USP25: variants seen among roughly 807,000 people sequenced by gnomAD.
The protein encoded by USP25 is ubiquitin carboxyl-terminal hydrolase 25.
USP25 carries 85 observed loss-of-function variants against 158.5 expected under a neutral mutation model. That is an observed-to-expected ratio of 0.54 (90% CI 0.45 to 0.64). The LOEUF (loss-of-function observed/expected upper bound fraction) is 0.64, where lower values mean the gene tolerates loss of function less well. Among genes scored for constraint, USP25 ranks in the 30% least tolerant of loss-of-function variants. The probability of loss-of-function intolerance (pLI) is 0.00; values close to 1 mark genes in which losing one functional copy is unlikely to be tolerated. For missense variants in USP25, 1,242 were observed against 1,327.3 expected, an observed-to-expected ratio of 0.94 and a Z score of 1.00; for synonymous variants, 464 against 460.4, an observed-to-expected ratio of 1.01 and a Z score of -0.10.
intron 17 of USP25, among the ~76,000 whole-genome samples, chr21:15,841,039 T>C (rs1462812778): frequency 1.3e-5 from 2 of 152,206 alleles, no homozygotes; most frequent in Non-Finnish European, 2.9e-5. Flanking sequence ...GCTATTGCAG[T>C]CCAAAATCAG....
In USP25 at chr21:15,872,034, T is replaced by G. The variant is rs574261061; in HGVS notation, c.2885+1887T>G. Among the ~76,000 whole-genome samples the G allele has an allele frequency of 2.7e-5, 4 of 146,592 alleles. No individual in the cohort carries two copies. In the South Asian group the frequency reaches 8.4e-4, roughly 31 times the overall value. On this transcript the variant is annotated intron_variant, in intron 23 of 25. Coordinates refer to ENST00000400183, the MANE Select transcript of USP25 (RefSeq NM_001283041.3). Reference sequence around the variant, plus strand: ...ATACTGTTTTTTTTTTTTTTTTTTTTTTTTTTACTTTAAATCTTTAAATAT... The same window carrying G: ...ATACTGTTTTTTTTTTTTTTTTTTTGTTTTTTACTTTAAATCTTTAAATAT...
chr21:15,742,544 T>G (rs551182947), intron 1 of USP25, among the ~76,000 whole-genome samples: 358 of 152,320 alleles, frequency 2.4e-3, no homozygotes, highest in African/African-American at 8.2e-3. Context: ...GTGTGAGGCC[T>G]CTGGGCTGGG....
At chr21:15,846,155 TA>T (rs1477445062) in intron 18 of USP25, among the ~76,000 whole-genome samples, 8,165 of 34,388 alleles carry the variant, frequency 0.24, 1,042 homozygotes, top group East Asian at 0.25. Flanking sequence ...TATATATATA[TA>T]TATTTTTTTT....
chr21:15,795,085 A>G lies in USP25; in HGVS notation c.555+3421A>G, dbSNP rs939020130. Among the ~76,000 whole-genome samples, 3 of 151,562 alleles carry G rather than the reference A, an allele frequency of 2.0e-5. No homozygotes were observed. The South Asian group carries it at 6.2e-4, about 31-fold the overall frequency. On this transcript the variant is annotated intron_variant, in intron 5 of 25. Coordinates refer to ENST00000400183, the MANE Select transcript of USP25 (RefSeq NM_001283041.3). Reference sequence around the variant, plus strand: ...CTGCTTCCTAGTCCTGCCCCTTGAAAGAGACCTGTATCTAATCCATTTCTT... The same window carrying G: ...CTGCTTCCTAGTCCTGCCCCTTGAAGGAGACCTGTATCTAATCCATTTCTT...
intron 1 of USP25, among the ~76,000 whole-genome samples, chr21:15,757,049 A>G (rs1216255219): frequency 6.6e-6 from 1 of 152,182 alleles, no homozygotes; most frequent in Non-Finnish European, 1.5e-5. Flanking sequence ...AGTTTCATAA[A>G]TGGGAAGGTA....
intron 20 of USP25, among the ~76,000 whole-genome samples, chr21:15,857,880 C>T (rs902941401): frequency 5.3e-5 from 8 of 151,950 alleles, no homozygotes; most frequent in African/African-American, 1.7e-4. Context: ...GTAAAATATC[C>T]AGATAGTCTA....
intron 8 of USP25, among the ~76,000 whole-genome samples, chr21:15,809,572 A>G (rs987981102): frequency 6.6e-6 from 1 of 152,210 alleles, no homozygotes; most frequent in African/African-American, 2.4e-5. Context: ...TGGTACAGCC[A>G]CTGTGGAAAA....
intron 3 of USP25, among the ~76,000 whole-genome samples, chr21:15,776,922 T>C (rs2034688622): frequency 6.6e-6 from 1 of 152,112 alleles, no homozygotes; most frequent in South Asian, 2.1e-4. Flanking sequence ...ATCCCAACCA[T>C]GCAAAGATAA....
At chr21:15,733,239 G>A (rs990065702) in intron 1 of USP25, among the ~76,000 whole-genome samples, 1 of 141,252 alleles carries the variant, frequency 7.1e-6, no homozygotes, top group Non-Finnish European at 1.5e-5. Context: ...TTAATTTACA[G>A]AGTGAAATGA....
intron 1 of USP25, among the ~76,000 whole-genome samples, chr21:15,750,225 T>G (rs1339988917): frequency 1.4e-5 from 2 of 145,556 alleles, no homozygotes; most frequent in Non-Finnish European, 3.0e-5. Context: ...TTTTTTTTTT[T>G]TTTTTTTTTT....
intron 6 of USP25, among the ~76,000 whole-genome samples, chr21:15,804,857 T>A (rs1047040404): frequency 6.6e-6 from 1 of 152,118 alleles, no homozygotes; most frequent in South Asian, 2.1e-4. Flanking sequence ...GGCTGAGTAA[T>A]GACATGATTT....
Position 15,827,105 on chromosome 21 carries a change from C to T in USP25, c.1595C>T (p.Pro532Leu), listed in dbSNP as rs761607553. 1 of 1,614,124 alleles carries T rather than the reference C, an allele frequency of 6.2e-7. No homozygotes were observed. Among genetic ancestry groups the T allele is most frequent in the Non-Finnish European group, 8.5e-7 (1 of 1,180,014 alleles). The change falls in exon 14 of 26, where the codon CCC becomes CTC. Residue 532 changes from proline (P) to leucine (L), a missense_variant. Around this residue, in one of 3 missense-constraint regions of USP25, gnomAD observed 627 missense variants for 701.4 expected, o/e 0.89. Transcript: ENST00000400183. ...FTQSRIPPDLPMHPAPRHITE... is the reference protein window; with the variant it reads ...FTQSRIPPDLLMHPAPRHITE... ...CAGTCCCGGATACCTCCAGATTTGC[C>T]CATGCATCCGGCACCAAGGCACATA...
intron 14 of USP25, among the ~76,000 whole-genome samples, chr21:15,830,251 CTCCTT>C (rs2037731136): frequency 6.6e-6 from 1 of 152,196 alleles, no homozygotes; most frequent in South Asian, 2.1e-4. Context: ...CATTGAAACT[CTCCTT>C]TATAGATTTG....
chr21:15,862,563 C>G (rs1477566346), intron 20 of USP25, among the ~76,000 whole-genome samples: 1 of 148,688 alleles, frequency 6.7e-6, no homozygotes, highest in Non-Finnish European at 1.5e-5. Flanking sequence ...TGGTCTCCCC[C>G]CTTCCCCGTT....
chr21:15,738,402 C>A lies in USP25; in HGVS notation c.45+7964C>A, dbSNP rs888206102. Among the ~76,000 whole-genome samples, 58 of 152,132 alleles carry A rather than the reference C, an allele frequency of 3.8e-4. 1 individual carries two copies. The highest frequency in any genetic ancestry group is 7.3e-5 in the Non-Finnish European group (5 of 68,032). On this transcript the variant is annotated intron_variant, in intron 1 of 25. Transcript: ENST00000400183. ...TGGGATTATTAAGATCTTTATGATA[C>A]AGGATGAGCAGGATATACTATTTTT...
At chr21:15,800,983 C>T (rs1207068145) in intron 6 of USP25, among the ~76,000 whole-genome samples, 1 of 151,394 alleles carries the variant, frequency 6.6e-6, no homozygotes, top group African/African-American at 2.4e-5. Context: ...CTTATGTCTC[C>T]AGAAAAATTA....
Position 15,816,929 on chromosome 21 carries a change from C to T in USP25, c.932-1769C>T, listed in dbSNP as rs995560311. Among the ~76,000 whole-genome samples, 13 of 151,988 alleles carry T rather than the reference C, an allele frequency of 8.6e-5. No individual in the cohort carries two copies. The highest frequency in any genetic ancestry group is 2.7e-4 in the African/African-American group (11 of 41,482). On this transcript the variant is annotated intron_variant, in intron 9 of 25. Transcript: ENST00000400183. The surrounding 1 kb of genome is among the most constrained non-coding windows in gnomAD (Gnocchi z 4.0). The stretch of plus-strand genomic sequence containing the variant: ...GGTGGATCACTTGAGGTCAGGAGTT[C>T]GAGACCAGCCTGGCCAACATGGTGA...
intron 4 of USP25, among the ~76,000 whole-genome samples, chr21:15,781,892 C>G (rs886495347): frequency 2.0e-5 from 3 of 152,182 alleles, no homozygotes; most frequent in Admixed American, 2.0e-4. Context: ...CTTTGACACC[C>G]TGCACCCCTG....
chr21:15,757,178 T>C (rs1002684981), intron 1 of USP25, among the ~76,000 whole-genome samples: 2 of 152,168 alleles, frequency 1.3e-5, no homozygotes, highest in Non-Finnish European at 2.9e-5. Flanking sequence ...AACTGGAAGA[T>C]GCCAGTAACA....
Sources: gnomAD v4.1 joint callset for allele counts (sites outside exome capture counted in the v4.1 genomes callset) on GRCh38, gnomAD v4.1.1 for gene constraint, gnomAD v4.1.1 regional missense constraint, Gnocchi (gnomAD v3.1) non-coding constraint, MANE v1.5 for transcripts, NCBI Gene and HGNC (gene_info 2026-07-23, HGNC 2026-07-21) for gene names.